CCDC169: variants seen among roughly 807,000 people sequenced by gnomAD.
CCDC169 encodes coiled-coil domain containing 169.
In CCDC169, 30 loss-of-function variants were observed where a neutral mutation model predicts 36.0. The observed-to-expected ratio is 0.83, with a 90% confidence interval of 0.62 to 1.13. CCDC169 has a LOEUF of 1.13. Ranked by LOEUF, CCDC169 falls within the 50% of genes most tolerant of loss-of-function variation. CCDC169 has a pLI of 0.00. For missense variants in CCDC169, 245 were observed against 245.9 expected, an observed-to-expected ratio of 1.00 and a Z score of 0.03; for synonymous variants, 85 against 81.5, an observed-to-expected ratio of 1.04 and a Z score of -0.23.
chr13:36,257,297 G>A (rs1454488620), intron 4 of CCDC169, among the ~76,000 whole-genome samples: 1 of 152,150 alleles, frequency 6.6e-6, no homozygotes, highest in Admixed American at 6.5e-5. Context: ...CTATCTCATA[G>A]CCCTGTGTCC....
At chr13:36,284,511 A>C (rs1325893545) in intron 2 of CCDC169, among the ~76,000 whole-genome samples, 1 of 152,220 alleles carries the variant, frequency 6.6e-6, no homozygotes, top group Non-Finnish European at 1.5e-5. Context: ...CCTAAGCTGA[A>C]GGAACAATGT....
chr13:36,269,420 C>T (rs1875755049), intron 4 of CCDC169, among the ~76,000 whole-genome samples: 1 of 152,118 alleles, frequency 6.6e-6, no homozygotes, highest in African/African-American at 2.4e-5. Context: ...CTAAATCATT[C>T]TATGAAGCCA....
At chr13:36,236,589 C>A (rs1054081926) in intron 7 of CCDC169, among the ~76,000 whole-genome samples, 17 of 152,036 alleles carry the variant, frequency 1.1e-4, no homozygotes, top group African/African-American at 4.1e-4. Flanking sequence ...ACCTAACACA[C>A]AAGCAAGCAA....
downstream of CCDC169, among the ~76,000 whole-genome samples, chr13:36,228,093 G>A (rs920411091): frequency 1.3e-5 from 2 of 152,102 alleles, no homozygotes; most frequent in African/African-American, 2.4e-5. Context: ...GAGTTGTTTC[G>A]ACTTCTTGAC....
At chr13:36,269,742 T>C (rs902493622) in intron 4 of CCDC169, among the ~76,000 whole-genome samples, 4 of 151,986 alleles carry the variant, frequency 2.6e-5, no homozygotes, top group Non-Finnish European at 4.4e-5. Context: ...TGATAAAAAC[T>C]CTCAACAAAC....
chr13:36,271,713 C>T (rs1594061026), intron 4 of CCDC169, among the ~76,000 whole-genome samples: 1 of 151,948 alleles, frequency 6.6e-6, no homozygotes, highest in Non-Finnish European at 1.5e-5. Flanking sequence ...ACTGAGTATG[C>T]AGAAGCATAC....
At chr13:36,288,607 C>A (rs1405349940) in intron 2 of CCDC169, among the ~76,000 whole-genome samples, 1 of 152,126 alleles carries the variant, frequency 6.6e-6, no homozygotes, top group African/African-American at 2.4e-5. Context: ...ATCCTAACAT[C>A]TGATAAACAG....
At chr13:36,259,708 A>G (rs1874371870) in intron 4 of CCDC169, among the ~76,000 whole-genome samples, 1 of 151,880 alleles carries the variant, frequency 6.6e-6, no homozygotes. Flanking sequence ...TGAAGTGAAG[A>G]CTTGGCCCAC....
rs577723052 is a variant in CCDC169, at chr13:36,250,251, T to C, written c.469-1569A>G. Among the ~76,000 whole-genome samples, 16 of 152,190 alleles carry C rather than the reference T, an allele frequency of 1.1e-4. No homozygotes were observed. In the South Asian group the frequency reaches 3.1e-3, roughly 30 times the overall value. On this transcript the variant is annotated intron_variant, in intron 6 of 7. Transcript: ENST00000239859. The stretch of plus-strand genomic sequence containing the variant: ...CCTTAGGTATAAAGCAGCAGATATA[T>C]CCAGGAATAGCACATAGCATTTGGT...
intron 4 of CCDC169, chr13:36,279,982 G>T (rs1877298532): frequency 6.6e-6 from 1 of 151,978 alleles, no homozygotes; most frequent in Non-Finnish European, 1.5e-5. Context: ...TACGTAAATA[G>T]GCTAATTTAC....
At chr13:36,238,816 G>A (rs186294326) in intron 7 of CCDC169, among the ~76,000 whole-genome samples, 1 of 152,190 alleles carries the variant, frequency 6.6e-6, no homozygotes, top group East Asian at 1.9e-4. Context: ...TTAGAGCAGT[G>A]TTTTCCAAAC....
intron 4 of CCDC169, among the ~76,000 whole-genome samples, chr13:36,265,290 TGAC>T (rs1163096854): frequency 6.6e-6 from 1 of 152,224 alleles, no homozygotes; most frequent in Non-Finnish European, 1.5e-5. Flanking sequence ...TTTCTTGTTG[TGAC>T]GACAAGATTG....
intron 4 of CCDC169, among the ~76,000 whole-genome samples, chr13:36,268,420 T>G (rs943455792): frequency 6.6e-6 from 1 of 152,124 alleles, no homozygotes; most frequent in Non-Finnish European, 1.5e-5. Flanking sequence ...ATTCTTTGAA[T>G]TGAATGATAA....
intron 2 of CCDC169, among the ~76,000 whole-genome samples, chr13:36,286,983 G>GA (rs1389768190): frequency 1.3e-5 from 2 of 152,084 alleles, no homozygotes; most frequent in Non-Finnish European, 2.9e-5. Flanking sequence ...GTACTGAAGA[G>GA]AAAAAACAAT....
chr13:36,229,620 C>T (rs1033012961), downstream of CCDC169, among the ~76,000 whole-genome samples: 1 of 148,746 alleles, frequency 6.7e-6, no homozygotes, highest in Non-Finnish European at 1.5e-5. Context: ...TCACTGCAAC[C>T]TCTGCCTCCC....
chr13:36,289,587 A>G (rs935054420), intron 2 of CCDC169, among the ~76,000 whole-genome samples: 10 of 152,240 alleles, frequency 6.6e-5, no homozygotes, highest in Non-Finnish European at 1.0e-4. Context: ...TAGGCTTCCT[A>G]TAAGGAAAAG....
chr13:36,276,878 T>C (rs1478461249), intron 4 of CCDC169, among the ~76,000 whole-genome samples: 1 of 152,172 alleles, frequency 6.6e-6, no homozygotes, highest in Non-Finnish European at 1.5e-5. Flanking sequence ...TTGTGCTCTG[T>C]AATAGAGCCT....
Position 36,297,661 on chromosome 13 carries a change from T to C in CCDC169, c.59A>G (p.Gln20Arg), listed in dbSNP as rs1404445473. ...DGVSTNRLKQ[Q>R]LLEEVRKKDA... The stretch of plus-strand genomic sequence containing the variant: ...CTTCTTGCGGACTTCTTCCAGCAAC[T>C]GCTGTTTCAGGCGGTTGGTGCTCAC... Residue 20 changes from glutamine (Q) to arginine (R), a missense_variant, in exon 1 of 8, where the codon CAG becomes CGG. Gln to Arg is a conservative substitution (Grantham distance 43). Coordinates refer to ENST00000239859, the MANE Select transcript of CCDC169 (RefSeq NM_001144981.3). 1 of 1,551,118 alleles carries C rather than the reference T, an allele frequency of 6.4e-7. No individual in the cohort carries two copies. Among genetic ancestry groups the C allele is most frequent in the African/African-American group, 1.4e-5 (1 of 73,036 alleles).
In CCDC169 at chr13:36,286,840, C is replaced by T. The variant is rs186307954; in HGVS notation, c.164-3138G>A. On this transcript the variant is annotated intron_variant, in intron 2 of 7. Coordinates refer to ENST00000239859, the MANE Select transcript of CCDC169 (RefSeq NM_001144981.3). Reference sequence around the variant, plus strand: ...GAGATAAACAAGAGAGGTAGGGGTACTGTGCAGTGGCTGGAAGGCTCATAA... The same window carrying T: ...GAGATAAACAAGAGAGGTAGGGGTATTGTGCAGTGGCTGGAAGGCTCATAA... Among the ~76,000 whole-genome samples the T allele has an allele frequency of 7.9e-5, 12 of 152,218 alleles. No individual in the cohort carries two copies. The East Asian group carries it at 2.3e-3, about 29-fold the overall frequency.
Sources: allele counts gnomAD v4.1 joint callset (sites outside exome capture counted in the v4.1 genomes callset), GRCh38; gene constraint gnomAD v4.1.1; transcripts MANE v1.5; gene names NCBI Gene and HGNC (gene_info 2026-07-23, HGNC 2026-07-21).